DMRT1: variants seen among roughly 807,000 people sequenced by gnomAD.
DMRT1 encodes doublesex and mab-3 related transcription factor 1.
A neutral mutation model predicts 32.3 loss-of-function variants in DMRT1; 7 were observed. The ratio of observed to expected loss-of-function variants is 0.22; its 90% CI spans 0.12 to 0.41. DMRT1 has a LOEUF of 0.41. Among genes scored for constraint, DMRT1 ranks in the 10% least tolerant of loss-of-function variants. The probability of loss-of-function intolerance (pLI) is 1.00; values close to 1 mark genes in which losing one functional copy is unlikely to be tolerated. For synonymous variants in DMRT1, 278 were observed against 206.1 expected, an observed-to-expected ratio of 1.35 and a Z score of -2.99; for missense variants, 625 against 500.5, an observed-to-expected ratio of 1.25 and a Z score of -2.37.
chr9:908,268 C>A (rs1347280552), intron 3 of DMRT1, among the ~76,000 whole-genome samples: 1 of 151,974 alleles, frequency 6.6e-6, no homozygotes, highest in African/African-American at 2.4e-5. Context: ...CCAGCCTGGG[C>A]AACATAGTGG....
chr9:964,065 C>T (rs1437701492), intron 4 of DMRT1, among the ~76,000 whole-genome samples: 1 of 152,182 alleles, frequency 6.6e-6, no homozygotes, highest in Non-Finnish European at 1.5e-5. Context: ...GTTTTTAAAG[C>T]ATGAATATCC....
At chr9:913,090 A>G (rs1327264860) in intron 3 of DMRT1, among the ~76,000 whole-genome samples, 1 of 152,228 alleles carries the variant, frequency 6.6e-6, no homozygotes, top group Non-Finnish European at 1.5e-5. Flanking sequence ...CTCATGATCA[A>G]CATTTTTCAA....
At chr9:937,134 C>T (rs747500363) in intron 4 of DMRT1, among the ~76,000 whole-genome samples, 8 of 152,164 alleles carry the variant, frequency 5.3e-5, no homozygotes, top group South Asian at 2.1e-4. Context: ...TCACTAAGCA[C>T]GGTGTTTTCA....
chr9:927,815 C>A (rs73380437), intron 4 of DMRT1, among the ~76,000 whole-genome samples: 17,649 of 152,172 alleles, frequency 0.12, 1,406 homozygotes, highest in African/African-American at 0.22. Context: ...AGTTTAGAAG[C>A]AGCTTTGATT....
chr9:915,688 C>G (rs1818152316), intron 3 of DMRT1, among the ~76,000 whole-genome samples: 1 of 152,048 alleles, frequency 6.6e-6, no homozygotes, highest in Non-Finnish European at 1.5e-5. Flanking sequence ...TCCCATTACA[C>G]ATGGTTTGCA....
At chr9:842,510 A>G in intron 1 of DMRT1, 1 of 356,574 alleles carries the variant, frequency 2.8e-6, no homozygotes, top group East Asian at 6.4e-5. Context: ...TGCTGGGATT[A>G]CAGGCGTGGG....
chr9:946,662 G>C (rs888904546), intron 4 of DMRT1, among the ~76,000 whole-genome samples: 2 of 152,168 alleles, frequency 1.3e-5, no homozygotes, highest in East Asian at 3.8e-4. Flanking sequence ...CTTCCTTGTA[G>C]TTACTTTCTC....
At chr9:896,250 C>T (rs756204565) in intron 3 of DMRT1, among the ~76,000 whole-genome samples, 2 of 148,622 alleles carry the variant, frequency 1.3e-5, no homozygotes, top group Non-Finnish European at 3.0e-5. Flanking sequence ...GGAGTAAGAA[C>T]ATTTTAAACT....
intron 2 of DMRT1, among the ~76,000 whole-genome samples, chr9:877,818 CCT>C (rs1429946904): frequency 6.7e-6 from 1 of 149,584 alleles, no homozygotes; most frequent in African/African-American, 2.6e-5. Context: ...GATTATTTTT[CCT>C]TTATTTTAGG....
At chr9:911,594 G>C (rs1207062983) in intron 3 of DMRT1, among the ~76,000 whole-genome samples, 4 of 140,018 alleles carry the variant, frequency 2.9e-5, no homozygotes, top group Non-Finnish European at 4.5e-5. Context: ...CTGGGTTCAA[G>C]CGATTCTCCT....
chr9:842,242 T>A, intron 1 of DMRT1, 50 bp downstream of exon 1: 1 of 1,502,132 alleles, frequency 6.7e-7, no homozygotes, highest in Non-Finnish European at 8.8e-7. Flanking sequence ...TTTTTTTTTT[T>A]TTTTTTTTTT....
intron 3 of DMRT1, among the ~76,000 whole-genome samples, chr9:913,368 A>AT (rs1260672293): frequency 2.6e-5 from 4 of 152,062 alleles, no homozygotes; most frequent in Admixed American, 2.0e-4. Flanking sequence ...AGACTGTGTA[A>AT]TTGACTTAAG....
intron 2 of DMRT1, among the ~76,000 whole-genome samples, chr9:875,811 G>C (rs1816476216): frequency 6.6e-6 from 1 of 152,138 alleles, no homozygotes; most frequent in Non-Finnish European, 1.5e-5. Flanking sequence ...TGCATATATA[G>C]TGTATGTACA....
At chr9:871,624 A>C (rs1264972309) in intron 2 of DMRT1, among the ~76,000 whole-genome samples, 3 of 59,552 alleles carry the variant, frequency 5.0e-5, no homozygotes, top group Non-Finnish European at 9.1e-5. Context: ...TACAGACGCG[A>C]GCCACCGCGC....
At chr9:872,184 C>T (rs1228263169) in intron 2 of DMRT1, among the ~76,000 whole-genome samples, 1 of 151,152 alleles carries the variant, frequency 6.6e-6, no homozygotes. Flanking sequence ...GCCTGAGCCT[C>T]CCGAGTAGCT....
chr9:865,569 A>T (rs1424409317), intron 2 of DMRT1, among the ~76,000 whole-genome samples: 1 of 152,210 alleles, frequency 6.6e-6, no homozygotes, highest in Non-Finnish European at 1.5e-5. Flanking sequence ...GGAGGAGCAG[A>T]TGAATGAGCC....
chr9:855,861 T>G (rs1289322911), intron 2 of DMRT1, among the ~76,000 whole-genome samples: 2 of 152,192 alleles, frequency 1.3e-5, no homozygotes, highest in Non-Finnish European at 2.9e-5. Context: ...TCAAGTGATC[T>G]TCTCACCTTG....
rs1201694401 is a variant in DMRT1 at position 943,298 on chromosome 9, A to AC, written c.968-24682dup. ...CCCTTATCTCTCAATGAGGTGTTGA[A>AC]CCCCCTCACTTCTGAGTTGCACCTG... On this transcript the variant is annotated intron_variant, in intron 4 of 4. Transcript: ENST00000382276. Among the ~76,000 whole-genome samples, 31 of 152,228 alleles carry AC rather than the reference A, an allele frequency of 2.0e-4. 1 individual carries two copies. The East Asian group carries it at 3.9e-3, about 19-fold the overall frequency.
intron 4 of DMRT1, 65 bp from the exon 5 acceptor site, chr9:967,920 A>G: frequency 6.8e-7 from 1 of 1,472,262 alleles, no homozygotes; most frequent in Admixed American, 1.7e-5. Context: ...ATGTATAAAG[A>G]CCAGCCACTT....
Sources: allele counts gnomAD v4.1 joint callset (sites outside exome capture counted in the v4.1 genomes callset), GRCh38; gene constraint gnomAD v4.1.1; transcripts MANE v1.5; gene names NCBI Gene and HGNC (gene_info 2026-07-23, HGNC 2026-07-21).